Variants in RTKN2 observed in about 807,000 individuals in gnomAD.
RTKN2 encodes the protein rhotekin-2.
A neutral mutation model predicts 71.5 loss-of-function variants in RTKN2; 69 were observed. The observed-to-expected ratio is 0.96, with a 90% CI of 0.79 to 1.18. The LOEUF is 1.18. Among genes scored for constraint, RTKN2 ranks in the 50% most tolerant of loss-of-function variants. The probability of loss-of-function intolerance (pLI) is 0.00; values close to 1 mark genes in which losing one functional copy is unlikely to be tolerated. For missense variants in RTKN2, 724 were observed against 719.7 expected (o/e 1.01, Z -0.07); for synonymous variants, 236 against 236.5 (o/e 1.00, Z 0.02).
intron 9 of RTKN2, among the ~76,000 whole-genome samples, 155 bp downstream of exon 9, chr10:62,216,963 T>C (rs1459852358): frequency 1.1e-4 from 16 of 152,098 alleles, no homozygotes; most frequent in African/African-American, 2.2e-4. Flanking sequence ...TAAGCTCTAA[T>C]AGAAAAACAG....
At chr10:62,203,103 T>C (rs942234162) in intron 10 of RTKN2, among the ~76,000 whole-genome samples, 6 of 152,046 alleles carry the variant, frequency 3.9e-5, no homozygotes, top group Admixed American at 2.0e-4. Context: ...GAGGTTGCGG[T>C]GAGCCAAGAT....
intron 8 of RTKN2, among the ~76,000 whole-genome samples, chr10:62,186,686 TG>T (rs1841141705): frequency 6.6e-6 from 1 of 152,238 alleles, no homozygotes; most frequent in Admixed American, 6.5e-5. Context: ...AATACAATTC[TG>T]CTGCTAAAAG....
intron 6 of RTKN2, among the ~76,000 whole-genome samples, chr10:62,229,485 G>T (rs1290672335): frequency 6.6e-6 from 1 of 152,144 alleles, no homozygotes; most frequent in Non-Finnish European, 1.5e-5. Flanking sequence ...AAAAATATCT[G>T]AAATGGTAGG....
chr10:62,258,478 C>T (rs1200584316), intron 2 of RTKN2, among the ~76,000 whole-genome samples: 2 of 152,144 alleles, frequency 1.3e-5, no homozygotes, highest in Non-Finnish European at 2.9e-5. Context: ...TAAAAGCTTA[C>T]TTCTTTATAT....
rs1841310585 is a variant in RTKN2, at chr10:62,195,609, A to G, written c.*2299T>C. On this transcript the variant is annotated 3_prime_UTR_variant, in exon 12 of 12. Transcript: ENST00000373789. Reference sequence around the variant, plus strand: ...AAGGAGAGACGGACAGAGGGAATGAAGGAAGGAAGGAAGGAAGGAAGGAAG... The same window carrying G: ...AAGGAGAGACGGACAGAGGGAATGAGGGAAGGAAGGAAGGAAGGAAGGAAG... 6.4e-5 allele frequency: 1 copy of G among 15,506 alleles called. No homozygotes were observed. Among genetic ancestry groups the G allele is most frequent in the Non-Finnish European group, 1.2e-4 (1 of 8,576 alleles). 1.0% of individuals were successfully genotyped at this position (15,506 alleles called of 1,614,324 possible).
At chr10:62,260,526 A>G (rs1456993739) in intron 2 of RTKN2, among the ~76,000 whole-genome samples, 1 of 109,902 alleles carries the variant, frequency 9.1e-6, no homozygotes, top group Non-Finnish European at 2.0e-5. Context: ...TGAATGATGA[A>G]CAAATATATG....
In RTKN2 at chr10:62,218,947, C is replaced by T. The variant is rs939963069; in HGVS notation, c.782-646G>A. ...GTTGCAGTGAACTCAGACTGCACCACTGCACTTCAGCCTGGGCAACAAAGC... is the reference window on the plus strand; with the variant it reads ...GTTGCAGTGAACTCAGACTGCACCATTGCACTTCAGCCTGGGCAACAAAGC... On this transcript the variant is annotated intron_variant, in intron 7 of 11. Coordinates refer to ENST00000373789, the MANE Select transcript of RTKN2 (RefSeq NM_145307.4). 5.9e-5 allele frequency among the ~76,000 whole-genome samples: 9 copies of T among 152,278 alleles called. No homozygotes were observed. In the South Asian group the frequency reaches 1.9e-3, roughly 32 times the overall value.
At chr10:62,214,574 C>A (rs1363732343) in intron 9 of RTKN2, among the ~76,000 whole-genome samples, 1 of 152,084 alleles carries the variant, frequency 6.6e-6, no homozygotes, top group African/African-American at 2.4e-5. Flanking sequence ...TAAACATTGT[C>A]ACCACTTTTC....
chr10:62,230,416 A>G (rs978261288), intron 6 of RTKN2, among the ~76,000 whole-genome samples: 1 of 152,074 alleles, frequency 6.6e-6, no homozygotes, highest in Non-Finnish European at 1.5e-5. Context: ...ACTTCAGGTG[A>G]TCCACCCACC....
chr10:62,194,114 CA>C lies in RTKN2; in HGVS notation c.*3793del, dbSNP rs1367038192. 1.5e-5 allele frequency: 15 copies of C among 979,594 alleles called. 1 individual carries two copies. The highest frequency in any genetic ancestry group is 1.1e-3 in the Middle Eastern group (2 of 1,902). 60.7% of individuals were successfully genotyped at this position (979,594 alleles called of 1,614,324 possible). A position where few individuals can be genotyped will look rare whatever the true frequency, so the allele number is the denominator to read the frequency against. ...GTCCATGATATAATACTTTTTAATC[CA>C]AAAGTCTGACCCATATTAAAAAATA... On this transcript the variant is annotated 3_prime_UTR_variant, in exon 12 of 12. Transcript: ENST00000373789.
chr10:62,217,145 T>C lies in RTKN2; in HGVS notation c.993A>G (p.Glu331=). The change falls in exon 9 of 12, where the codon GAA becomes GAG. Residue 331 remains glutamate, a synonymous_variant. Transcript: ENST00000373789. The part of the protein sequence containing the change: ...YSPEEIEAKV[E]PALVVPINKE... ...TGTTAATGGGTACTACCAAAGCTGG[T>C]TCCACTTTAGCTTCAATTTCCTCTG... is the stretch of plus-strand genomic sequence containing the variant. The C allele has an allele frequency of 6.3e-7, 1 of 1,587,590 alleles. No individual in the cohort carries two copies. Among genetic ancestry groups the C allele is most frequent in the East Asian group, 2.3e-5 (1 of 44,340 alleles).
intron 7 of RTKN2, 136 bp from the exon 8 acceptor site, chr10:62,218,437 T>C (rs973778452): frequency 6.9e-6 from 4 of 577,132 alleles, no homozygotes; most frequent in African/African-American, 3.7e-5. Flanking sequence ...TAGTTTCATG[T>C]AAAGATTCAT....
rs1271875664 is a variant in RTKN2 at position 62,193,938 on chromosome 10, C to T, written c.*3970G>A. The T allele has an allele frequency of 1.0e-6, 1 of 984,032 alleles. No homozygotes were observed. The highest frequency in any genetic ancestry group is 1.2e-6 in the Non-Finnish European group (1 of 828,758). The allele number at this position is 984,032 out of a possible 1,614,324, so 61.0% of individuals were successfully genotyped here. A position where few individuals can be genotyped will look rare whatever the true frequency, so the allele number is the denominator to read the frequency against. On this transcript the variant is annotated 3_prime_UTR_variant, in exon 12 of 12. Coordinates refer to ENST00000373789, the MANE Select transcript of RTKN2 (RefSeq NM_145307.4). ...TTCTGATTAAACTGATTCCACCACA[C>T]TGTCTACTTCAATCAGTCTAGTCTA...
At chr10:62,223,364 A>G in intron 6 of RTKN2, 32 bp from the exon 7 acceptor site, 1 of 1,291,200 alleles carries the variant, frequency 7.7e-7, no homozygotes, top group Non-Finnish European at 1.1e-6. Context: ...TGTTTTAAGT[A>G]TTTTTGTATT....
intron 2 of RTKN2, among the ~76,000 whole-genome samples, chr10:62,250,388 GT>G (rs1842558420): frequency 2.0e-5 from 3 of 152,284 alleles, no homozygotes; most frequent in African/African-American, 7.2e-5. Flanking sequence ...AGAAACACTA[GT>G]TTCAAACATT....
intron 6 of RTKN2, among the ~76,000 whole-genome samples, chr10:62,227,514 G>A (rs934845484): frequency 7.2e-5 from 11 of 152,146 alleles, no homozygotes; most frequent in African/African-American, 2.4e-4. Context: ...GTATAGTGAG[G>A]GAGGCAGAGT....
At chr10:62,235,925 A>T in intron 6 of RTKN2, 141 bp downstream of exon 6, 1 of 642,018 alleles carries the variant, frequency 1.6e-6, no homozygotes, top group Non-Finnish European at 2.7e-6. Flanking sequence ...ACCTCAGTTG[A>T]GTAAATGTCA....
intron 4 of RTKN2, 53 bp from the exon 5 acceptor site, chr10:62,239,818 T>C: frequency 1.2e-6 from 1 of 868,832 alleles, no homozygotes; most frequent in Non-Finnish European, 1.9e-6. Flanking sequence ...TAAATCATTG[T>C]TAAAATCTAC....
intron 2 of RTKN2, among the ~76,000 whole-genome samples, chr10:62,255,982 T>G (rs1369411620): frequency 6.6e-6 from 1 of 151,638 alleles, no homozygotes; most frequent in Non-Finnish European, 1.5e-5. Flanking sequence ...AAATGCAGAA[T>G]GCAGGATACT....
Sources: gnomAD v4.1 joint callset for allele counts (sites outside exome capture counted in the v4.1 genomes callset) on GRCh38, gnomAD v4.1.1 for gene constraint, MANE v1.5 for transcripts, NCBI Gene and HGNC (gene_info 2026-07-23, HGNC 2026-07-21) for gene names.